Variants in GML observed in about 807,000 individuals in gnomAD.
GML encodes the protein glycosyl-phosphatidylinositol-anchored molecule-like protein.
A neutral mutation model predicts 8.2 loss-of-function variants in GML; 5 were observed. The observed-to-expected ratio is 0.61, with a 90% confidence interval of 0.32 to 1.28. The LOEUF (loss-of-function observed/expected upper bound fraction) is 1.28. Among genes scored for constraint, GML ranks in the 50% most tolerant of loss-of-function variants. The probability of loss-of-function intolerance (pLI) is 0.06; values close to 1 mark genes in which losing one functional copy is unlikely to be tolerated. For synonymous variants in GML, 72 were observed against 69.0 expected (o/e 1.04, Z -0.22); for missense variants, 191 against 198.3 (o/e 0.96, Z 0.22).
intron 1 of GML, among the ~76,000 whole-genome samples, chr8:142,836,772 C>T (rs1468513714): frequency 1.3e-5 from 2 of 152,146 alleles, no homozygotes; most frequent in African/African-American, 4.8e-5. Flanking sequence ...ATGCTTGCAG[C>T]TTCAACCTGA....
intron 2 of GML, among the ~76,000 whole-genome samples, 167 bp from the exon 3 acceptor site, chr8:142,840,951 G>C (rs1446409095): frequency 6.6e-6 from 1 of 152,214 alleles, no homozygotes; most frequent in African/African-American, 2.4e-5. Context: ...CCAGGAGCTA[G>C]CCTGGGCCAG....
chr8:142,841,185 A>G lies in GML; in HGVS notation c.141A>G (p.Val47=). 1 of 1,574,394 alleles carries G rather than the reference A, an allele frequency of 6.4e-7. No individual in the cohort carries two copies. Among genetic ancestry groups the G allele is most frequent in the Non-Finnish European group, 8.7e-7 (1 of 1,144,096 alleles). The change falls in exon 3 of 4, where the codon GTA becomes GTG. Residue 47 remains valine, a synonymous_variant. Coordinates refer to ENST00000220940, the MANE Select transcript of GML (RefSeq NM_002066.3). ...ACTTCAACTGTCCCAACATTAGAGT[A>G]TGTCCGTATCATATTAGGCGCTGTA... ...INDFNCPNIR[V]CPYHIRRCMT... is the part of the protein sequence containing the mutation.
Position 142,838,256 on chromosome 8 carries a change from A to G in GML, c.-22-2160A>G, listed in dbSNP as rs575263475. ...TTTTTTCCTGACTTTTCAAGGCTGT[A>G]TGTTTACATTTGCCTCCAATCATTC... On this transcript the variant is annotated intron_variant, in intron 1 of 3. Transcript: ENST00000220940. Among the ~76,000 whole-genome samples, 8 of 152,138 alleles carry G rather than the reference A, an allele frequency of 5.3e-5. No individual in the cohort carries two copies. The East Asian group carries it at 1.5e-3, about 29-fold the overall frequency.
At chr8:142,841,267 CCCTA>C in intron 3 of GML, 42 bp downstream of exon 3, 1 of 1,003,038 alleles carries the variant, frequency 1.0e-6, no homozygotes, top group East Asian at 2.4e-5. Flanking sequence ...TAGATTAGTC[CCCTA>C]CCTGGGTAGT....
chr8:142,842,124 GT>G (rs1224792083), intron 3 of GML, among the ~76,000 whole-genome samples: 2 of 152,106 alleles, frequency 1.3e-5, no homozygotes, highest in African/African-American at 4.8e-5. Flanking sequence ...GTGATAGTGA[GT>G]TCCCACAAGA....
chr8:142,837,488 G>A (rs1816360826), intron 1 of GML, among the ~76,000 whole-genome samples: 1 of 151,656 alleles, frequency 6.6e-6, no homozygotes, highest in South Asian at 2.1e-4. Flanking sequence ...AGATAAAACT[G>A]GTTTCAGGTT....
intron 3 of GML, among the ~76,000 whole-genome samples, chr8:142,846,057 G>A (rs550692627): frequency 4.6e-5 from 7 of 152,192 alleles, no homozygotes; most frequent in East Asian, 1.9e-4. Flanking sequence ...TTAATTTCTC[G>A]GGCTCTAGAA....
chr8:142,846,538 G>T lies in GML; in HGVS notation c.325G>T (p.Val109Phe). The T allele has an allele frequency of 6.2e-7, 1 of 1,614,088 alleles. No homozygotes were observed. Residue 109 changes from valine (V) to phenylalanine (F), a missense_variant, in exon 4 of 4, where the codon GTT (valine) becomes TTT (phenylalanine). Transcript: ENST00000220940. ...FYWVCCCNSM[V>F]CNAGGPTNLE... is the part of the protein sequence containing the mutation. ...CTGGGTTTGTTGTTGTAATAGCATG[G>T]TTTGCAATGCAGGAGGACCTACTAA... is the stretch of plus-strand genomic sequence containing the variant.
At chr8:142,836,298 C>T (rs145851449) in intron 1 of GML, among the ~76,000 whole-genome samples, 1 of 143,590 alleles carries the variant, frequency 7.0e-6, no homozygotes, top group Non-Finnish European at 1.5e-5. Context: ...AAATGTTGGA[C>T]GGTCAGTGTC....
chr8:142,844,819 C>T (rs1222439806), intron 3 of GML, among the ~76,000 whole-genome samples: 2 of 152,178 alleles, frequency 1.3e-5, no homozygotes, highest in Non-Finnish European at 2.9e-5. Flanking sequence ...GAACTGTGCA[C>T]AATCCCTCAG....
At position 142,846,397 on chromosome 8, in the gene GML, A is replaced by G. The variant is rs763569289; in HGVS notation, c.184A>G (p.Ile62Val). 7 of 1,581,876 alleles carry G rather than the reference A, an allele frequency of 4.4e-6. No homozygotes were observed. The highest frequency in any genetic ancestry group is 2.7e-5 in the African/African-American group (2 of 73,714). ...IRRCMTISIR[I>V]NSRELLVYKN... Reference sequence around the variant, plus strand: ...TTCATTGCTGCTTCTTTTTTTAGGCATAAATTCTCGTGAACTACTTGTTTA... The same window carrying G: ...TTCATTGCTGCTTCTTTTTTTAGGCGTAAATTCTCGTGAACTACTTGTTTA... Residue 62 changes from isoleucine (I) to valine (V), a missense_variant and splice_region_variant, in exon 4 of 4, where the codon ATA (isoleucine) becomes GTA (valine). Physicochemically the swap from Ile to Val is conservative, Grantham distance 29. Coordinates refer to ENST00000220940, the MANE Select transcript of GML (RefSeq NM_002066.3).
chr8:142,841,616 G>A (rs1039717598), intron 3 of GML, among the ~76,000 whole-genome samples: 6 of 152,206 alleles, frequency 3.9e-5, no homozygotes, highest in Non-Finnish European at 8.8e-5. Flanking sequence ...GGTCAAAGCA[G>A]TGGATGGGCC....
chr8:142,841,006 C>A (rs1483771510), intron 2 of GML, 112 bp from the exon 3 acceptor site: 2 of 687,788 alleles, frequency 2.9e-6, no homozygotes, highest in Non-Finnish European at 5.3e-6. Flanking sequence ...TAGGAGAAGT[C>A]CTTGGAAGCA....
At chr8:142,843,830 A>G (rs1019352038) in intron 3 of GML, among the ~76,000 whole-genome samples, 5 of 152,240 alleles carry the variant, frequency 3.3e-5, no homozygotes, top group Non-Finnish European at 7.3e-5. Context: ...TTAAAACACC[A>G]TTAAAGACTT....
At chr8:142,836,684 T>A (rs1451606352) in intron 1 of GML, among the ~76,000 whole-genome samples, 1 of 152,190 alleles carries the variant, frequency 6.6e-6, no homozygotes, top group African/African-American at 2.4e-5. Flanking sequence ...CTACTGGGGA[T>A]GTGTGCCCTC....
intron 3 of GML, among the ~76,000 whole-genome samples, chr8:142,843,145 C>T (rs951400584): frequency 2.0e-5 from 3 of 152,000 alleles, no homozygotes; most frequent in African/African-American, 4.8e-5. Flanking sequence ...TGGAAAGAAA[C>T]GCAGGCAGTG....
At position 142,837,815 on chromosome 8, in the gene GML, G is replaced by C. The variant is rs566040132; in HGVS notation, c.-22-2601G>C. ...TCTGTCTCCTGGGATCTGCCACACTGGGGGGGATTCTACTTGGCCTTCTCT... is the reference window on the plus strand; with the variant it reads ...TCTGTCTCCTGGGATCTGCCACACTCGGGGGGATTCTACTTGGCCTTCTCT... On this transcript the variant is annotated intron_variant, in intron 1 of 3. Transcript: ENST00000220940. 2.4e-3 allele frequency among the ~76,000 whole-genome samples: 351 copies of C among 146,558 alleles called. 5 individuals carry two copies. The highest frequency in any genetic ancestry group is 8.1e-3 in the African/African-American group (320 of 39,304).
intron 3 of GML, among the ~76,000 whole-genome samples, chr8:142,843,203 A>C (rs1422951182): frequency 2.0e-5 from 3 of 150,256 alleles, no homozygotes; most frequent in African/African-American, 7.4e-5. Flanking sequence ...ACTCTGCACT[A>C]TCTCTGCAAC....
intron 1 of GML, among the ~76,000 whole-genome samples, chr8:142,837,330 A>G (rs1029379895): frequency 1.3e-5 from 2 of 151,438 alleles, no homozygotes; most frequent in African/African-American, 4.9e-5. Flanking sequence ...TTTTTTATAA[A>G]GAAGAGAAAT....
Sources: allele counts gnomAD v4.1 joint callset (sites outside exome capture counted in the v4.1 genomes callset), GRCh38; gene constraint gnomAD v4.1.1; transcripts MANE v1.5; gene names NCBI Gene and HGNC (gene_info 2026-07-23, HGNC 2026-07-21).